The following COL11A2 variants were observed in gnomAD, a reference collection of about 807,000 sequenced individuals.
The protein encoded by COL11A2 is collagen type XI alpha 2 chain, also known as collagen alpha-2(XI) chain.
Under a neutral mutation model 273.4 loss-of-function variants are expected in COL11A2, and 116 were observed. The ratio of observed to expected loss-of-function variants is 0.42; its 90% CI spans 0.36 to 0.49. The LOEUF (loss-of-function observed/expected upper bound fraction) is 0.49. Ranked by LOEUF, COL11A2 falls within the 20% of genes least tolerant of loss-of-function variation. The pLI is 0.00. For synonymous variants in COL11A2, 782 were observed against 864.2 expected (o/e 0.90, Z 1.67); for missense variants, 1,866 against 2,309.0 (o/e 0.81, Z 3.93).
chr6:33,165,699 G>A lies in COL11A2; in HGVS notation c.4600C>T (p.Pro1534Ser), dbSNP rs774980862. ...EDEAIPTGGAPGSPGGLEEIF... is the reference protein window; with the variant it reads ...EDEAIPTGGASGSPGGLEEIF... ...TCCTCCAGCCCCCCAGGACTGCCGG[G>A]GGCTCCCCCGGTCGGTATGGCCTCA... Residue 1534 changes from proline (P) to serine (S), a missense_variant, in exon 63 of 66, where the codon CCC (proline) becomes TCC (serine). Pro to Ser is a moderately conservative substitution (Grantham distance 74). Transcript: ENST00000341947. This position sits in a 1 kb window ranked among gnomAD's most constrained non-coding sequence, Gnocchi z 7.7. 107 of 1,611,000 alleles carry A rather than the reference G, an allele frequency of 6.6e-5. No homozygotes were observed. Among genetic ancestry groups the A allele is most frequent in the Non-Finnish European group, 8.2e-5 (97 of 1,179,976 alleles).
In COL11A2 at chr6:33,177,093, GAC is replaced by G. The variant is rs1221686176; in HGVS notation, c.2017-50_2017-49del. On this transcript the variant is annotated intron_variant, in intron 24 of 65. Coordinates refer to ENST00000341947, the MANE Select transcript of COL11A2 (RefSeq NM_080680.3). This position sits in a 1 kb window ranked among gnomAD's most constrained non-coding sequence, Gnocchi z 5.9. The stretch of plus-strand genomic sequence containing the variant: ...AGGGTCACTAGAGGGGTCATGTCTG[GAC>G]ACAGACAAAATCCCAGCAGACATTT... The G allele has an allele frequency of 6.2e-7, 1 of 1,611,402 alleles. No individual in the cohort carries two copies.
Position 33,172,370 on chromosome 6 carries a change from A to C in COL11A2, c.2907T>G (p.Pro969=). ...CCTTCCCTGGGGCCCCAGGGGGACC[A>C]GGGTCACCCTAAAAGGAAAGGAGAG... ...TAGKEGTKGD[P]GPPGAPGKDG... The change falls in exon 40 of 66, where the codon CCT becomes CCG. Residue 969 remains proline, a synonymous_variant. Coordinates refer to ENST00000341947, the MANE Select transcript of COL11A2 (RefSeq NM_080680.3). 6.3e-7 allele frequency: 1 copy of C among 1,586,640 alleles called. No homozygotes were observed. The highest frequency in any genetic ancestry group is 8.6e-7 in the Non-Finnish European group (1 of 1,166,884).
At chr6:33,185,275 C>T (rs188563631) in intron 6 of COL11A2, among the ~76,000 whole-genome samples, 10 of 152,222 alleles carry the variant, frequency 6.6e-5, no homozygotes, top group Admixed American at 3.9e-4. Context: ...CTGGATGCCC[C>T]GGCTCTACCT....
chr6:33,163,824 G>A lies in COL11A2; in HGVS notation c.5071-6C>T. On this transcript the variant is annotated splice_polypyrimidine_tract_variant and splice_region_variant and intron_variant, in intron 65 of 65. Coordinates refer to ENST00000341947, the MANE Select transcript of COL11A2 (RefSeq NM_080680.3). The surrounding 1 kb of genome is among the most constrained non-coding windows in gnomAD (Gnocchi z 4.1). Reference sequence around the variant, plus strand: ...ACCGTCCGGCCTTGCTGTGTCTTCAGGGGGAGACAAGGAAGAAAGTGTGAG... The same window carrying A: ...ACCGTCCGGCCTTGCTGTGTCTTCAAGGGGAGACAAGGAAGAAAGTGTGAG... 1 of 1,612,924 alleles carries A rather than the reference G, an allele frequency of 6.2e-7. No individual in the cohort carries two copies. Among genetic ancestry groups the A allele is most frequent in the Non-Finnish European group, 8.5e-7 (1 of 1,179,930 alleles).
At chr6:33,171,359 G>A (rs771818377) in intron 43 of COL11A2, 35 bp from the exon 44 acceptor site, 1 of 1,613,852 alleles carries the variant, frequency 6.2e-7, no homozygotes. Context: ...ATTAGAGAAA[G>A]GTGATGGGTA....
At position 33,192,311 on chromosome 6, in the gene COL11A2, C is replaced by T. The variant is rs1773230854; in HGVS notation, c.-71G>A. 1.4e-6 allele frequency: 2 copies of T among 1,421,990 alleles called. No individual in the cohort carries two copies. The highest frequency in any genetic ancestry group is 1.9e-6 in the Non-Finnish European group (2 of 1,034,290). The allele number at this position is 1,421,990 out of a possible 1,614,324, so 88.1% of individuals were successfully genotyped here. ...GAGACGCTGGATGCCCTGAGGCTGA[C>T]AGAAGACAGGGAGCAGACTATGAGC... is the stretch of plus-strand genomic sequence containing the variant. On this transcript the variant is annotated 5_prime_UTR_variant, in exon 1 of 66. Transcript: ENST00000341947.
Position 33,170,367 on chromosome 6 carries a change from G to A in COL11A2, c.3541C>T (p.Pro1181Ser), listed in dbSNP as rs1769858675. The change falls in exon 48 of 66, where the codon CCC becomes TCC. Residue 1181 changes from proline (P) to serine (S), a missense_variant. By Grantham distance (74) the Pro-to-Ser change is moderately conservative. Transcript: ENST00000341947. The surrounding 1 kb of genome is among the most constrained non-coding windows in gnomAD (Gnocchi z 4.3). ...GDVGPMGPPG[P>S]PGPRGPAGPN... is the part of the protein sequence containing the mutation. ...CCAGCTGGACCTCGAGGTCCTGGGG[G>A]GCCAGGTGGTCCCTGGGGGAAACAG... 6.2e-7 allele frequency: 1 copy of A among 1,613,934 alleles called. No individual in the cohort carries two copies. Among genetic ancestry groups the A allele is most frequent in the Non-Finnish European group, 8.5e-7 (1 of 1,179,950 alleles).
intron 3 of COL11A2, 89 bp from the exon 4 acceptor site, chr6:33,188,613 G>A (rs925398852): frequency 4.8e-6 from 7 of 1,473,220 alleles, no homozygotes; most frequent in Non-Finnish European, 6.6e-6. Context: ...AAGAGTTGAA[G>A]CCAATGGTGA....
In COL11A2 at chr6:33,179,676, G is replaced by GC. The variant is rs1197317276; in HGVS notation, c.1446+42dup. The stretch of plus-strand genomic sequence containing the variant: ...ACTCACTCCAGCCAACCCTTCCAGT[G>GC]CCCCCCAGAGCCTTCCCTTTCCAGG... On this transcript the variant is annotated intron_variant, in intron 13 of 65. Transcript: ENST00000341947. The surrounding 1 kb of genome is among the most constrained non-coding windows in gnomAD (Gnocchi z 6.4). 6.2e-7 allele frequency: 1 copy of GC among 1,602,300 alleles called. No homozygotes were observed.
rs576844655 is a variant in COL11A2 at position 33,179,865 on chromosome 6, C to T, written c.1360-60G>A. On this transcript the variant is annotated intron_variant, in intron 12 of 65. Coordinates refer to ENST00000341947, the MANE Select transcript of COL11A2 (RefSeq NM_080680.3). This position sits in a 1 kb window ranked among gnomAD's most constrained non-coding sequence, Gnocchi z 6.4. ...CAAGAAAGCCATGGGACCCTCCCAG[C>T]CAGAGGCTTTCTCCAGCGTTTCTGC... 3.6e-5 allele frequency: 55 copies of T among 1,509,668 alleles called. 1 individual carries two copies. Among genetic ancestry groups the T allele is most frequent in the South Asian group, 5.6e-5 (5 of 89,194 alleles). The allele number at this position is 1,509,668 out of a possible 1,614,324, so 93.5% of individuals were successfully genotyped here.
chr6:33,166,571 GA>G lies in COL11A2; in HGVS notation c.4339-6del. On this transcript the variant is annotated splice_region_variant and splice_polypyrimidine_tract_variant and intron_variant, in intron 59 of 65. Transcript: ENST00000341947. The surrounding 1 kb of genome is among the most constrained non-coding windows in gnomAD (Gnocchi z 4.8). The stretch of plus-strand genomic sequence containing the variant: ...GCCGGATGCTCCTGGGATACCCTAG[GA>G]AGGGTAGTGGCTGGTTCAACTGGGT... The G allele has an allele frequency of 6.2e-7, 1 of 1,613,850 alleles. No homozygotes were observed.
Position 33,170,830 on chromosome 6 carries a change from G to C in COL11A2, c.3454C>G (p.Pro1152Ala). The C allele has an allele frequency of 6.2e-7, 1 of 1,612,944 alleles. No individual in the cohort carries two copies. The highest frequency in any genetic ancestry group is 8.5e-7 in the Non-Finnish European group (1 of 1,179,960). The change falls in exon 46 of 66, where the codon CCA (proline) becomes GCA (alanine). Residue 1152 changes from proline to alanine, a missense_variant. By Grantham distance (27) the Pro-to-Ala change is conservative. Transcript: ENST00000341947. The surrounding 1 kb of genome is among the most constrained non-coding windows in gnomAD (Gnocchi z 4.3). ...DEGTRGFNGP[P>A]GPIGLQGLPG... ...CACACCTGTAGGCCAATGGGTCCTG[G>C]GGGCCCATTGAATCCTCTTGTTCCT...
Position 33,176,610 on chromosome 6 carries a change from G to C in COL11A2, c.2115+111C>G. The C allele has an allele frequency of 4.3e-6, 6 of 1,391,374 alleles. No homozygotes were observed. Among genetic ancestry groups the C allele is most frequent in the Non-Finnish European group, 6.1e-6 (6 of 989,228 alleles). The allele number at this position is 1,391,374 out of a possible 1,614,324, so 86.2% of individuals were successfully genotyped here. On this transcript the variant is annotated intron_variant, in intron 26 of 65. Coordinates refer to ENST00000341947, the MANE Select transcript of COL11A2 (RefSeq NM_080680.3). This position sits in a 1 kb window ranked among gnomAD's most constrained non-coding sequence, Gnocchi z 4.9. Reference sequence around the variant, plus strand: ...GGTAGGGTTACGGGGCACAGGAATTGAGAATGTGGCAGAGCCATATGAATA... The same window carrying C: ...GGTAGGGTTACGGGGCACAGGAATTCAGAATGTGGCAGAGCCATATGAATA...
chr6:33,185,141 C>CTGTGCTGGGGG, intron 6 of COL11A2, 87 bp from the exon 7 acceptor site: 1 of 962,080 alleles, frequency 1.0e-6, no homozygotes, highest in South Asian at 1.4e-5. Flanking sequence ...CAGCACCTGT[C>CTGTGCTGGGGG]CCCCGAGGGC....
At chr6:33,184,870 G>C (rs1772171575) in intron 7 of COL11A2, 122 bp downstream of exon 7, 2 of 804,736 alleles carry the variant, frequency 2.5e-6, no homozygotes. Flanking sequence ...GCCATCGATG[G>C]AAATGAGGAA....
Position 33,173,308 on chromosome 6 carries a change from T to A in COL11A2, c.2736+40A>T. The A allele has an allele frequency of 1.9e-6, 3 of 1,608,326 alleles. No individual in the cohort carries two copies. Among genetic ancestry groups the A allele is most frequent in the Non-Finnish European group, 2.5e-6 (3 of 1,178,370 alleles). ...ACAGCTCTGGGGTTAAAGGGTCTGA[T>A]GGAGCCCCCTGAGAATGGGTAGCCA... On this transcript the variant is annotated intron_variant, in intron 37 of 65. Coordinates refer to ENST00000341947, the MANE Select transcript of COL11A2 (RefSeq NM_080680.3). The surrounding 1 kb of genome is among the most constrained non-coding windows in gnomAD (Gnocchi z 6.3).
chr6:33,185,239 G>A (rs956639504), intron 6 of COL11A2, among the ~76,000 whole-genome samples, 185 bp from the exon 7 acceptor site: 6 of 152,214 alleles, frequency 3.9e-5, no homozygotes, highest in African/African-American at 1.2e-4. Context: ...GAACCTCCAA[G>A]GTCATAGAGG....
Position 33,179,472 on chromosome 6 carries a change from G to T in COL11A2, c.1462C>A (p.Pro488Thr). 6.4e-7 allele frequency: 1 copy of T among 1,565,732 alleles called. No homozygotes were observed. The highest frequency in any genetic ancestry group is 8.7e-7 in the Non-Finnish European group (1 of 1,155,128). The part of the protein sequence containing the change: ...LQQARLALRG[P>T]PGPMGYTGRP... Reference sequence around the variant, plus strand: ...CCTGTGTATCCCATGGGGCCAGGGGGTCCACGGAGCGCCAGCTAGGGGAGC... The same window carrying T: ...CCTGTGTATCCCATGGGGCCAGGGGTTCCACGGAGCGCCAGCTAGGGGAGC... Residue 488 changes from proline to threonine, a missense_variant, in exon 14 of 66, where the codon CCC becomes ACC. Physicochemically the swap from Pro to Thr is conservative, Grantham distance 38. Coordinates refer to ENST00000341947, the MANE Select transcript of COL11A2 (RefSeq NM_080680.3). This position sits in a 1 kb window ranked among gnomAD's most constrained non-coding sequence, Gnocchi z 6.4.
rs780265815 is a variant in COL11A2, at chr6:33,174,216, C to G, written c.2433G>C (p.Gly811=). The change falls in exon 32 of 66, where the codon GGG becomes GGC. Residue 811 remains glycine (G), a splice_region_variant and synonymous_variant. Transcript: ENST00000341947. The stretch of plus-strand genomic sequence containing the variant: ...CAGGAAAGCCAGGAAATCCTAGGGA[C>G]CCCTGGTGAGAACGGAGAAGGGGGG... The part of the protein sequence containing the change: ...PGYPGRQGPK[G]SLGFPGFPGA... 109 of 1,565,774 alleles carry G rather than the reference C, an allele frequency of 7.0e-5. No individual in the cohort carries two copies. The highest frequency in any genetic ancestry group is 8.9e-5 in the Non-Finnish European group (103 of 1,155,362).
Sources: gnomAD v4.1 joint callset for allele counts (sites outside exome capture counted in the v4.1 genomes callset) on GRCh38, gnomAD v4.1.1 for gene constraint, Gnocchi (gnomAD v3.1) non-coding constraint, MANE v1.5 for transcripts, NCBI Gene and HGNC (gene_info 2026-07-23, HGNC 2026-07-21) for gene names.